Variants in SLC2A9 observed in about 807,000 individuals in gnomAD.
The protein encoded by SLC2A9 is solute carrier family 2, facilitated glucose transporter member 9.
In SLC2A9, 39 loss-of-function variants were observed where a neutral mutation model predicts 50.6. The ratio of observed to expected loss-of-function variants is 0.77; its 90% confidence interval spans 0.60 to 1.01. The LOEUF is 1.01. Ranked by LOEUF, SLC2A9 falls within the 50% of genes least tolerant of loss-of-function variation. The probability of loss-of-function intolerance (pLI) is 0.00; values close to 1 mark genes in which losing one functional copy is unlikely to be tolerated. For synonymous variants in SLC2A9, 324 were observed against 276.9 expected (o/e 1.17, Z -1.69); for missense variants, 686 against 677.6 (o/e 1.01, Z -0.14).
At chr4:9,779,361 G>A (rs144174176), downstream of SLC2A9, among the ~76,000 whole-genome samples, 3,019 of 151,202 alleles carry the variant, frequency 0.02, 102 homozygotes, top group African/African-American at 0.069. Context: ...TGTCACATTT[G>A]TAATTGTGTA....
intron 8 of SLC2A9, among the ~76,000 whole-genome samples, chr4:9,897,045 TATC>T (rs1328224717): frequency 6.6e-6 from 1 of 152,198 alleles, no homozygotes; most frequent in Admixed American, 6.5e-5. Context: ...TAGGTGCTGT[TATC>T]ATCCACTATT....
downstream of SLC2A9, among the ~76,000 whole-genome samples, chr4:9,796,584 T>C (rs1202900159): frequency 6.6e-6 from 1 of 152,230 alleles, no homozygotes; most frequent in African/African-American, 2.4e-5. Context: ...AATGTATTAG[T>C]CAGGCTTTGT....
intron 7 of SLC2A9, among the ~76,000 whole-genome samples, chr4:9,915,892 A>G (rs1742766237): frequency 6.6e-6 from 1 of 152,258 alleles, no homozygotes; most frequent in Admixed American, 6.5e-5. Flanking sequence ...TGCTTCTGAA[A>G]TTATAATTTG....
At chr4:9,890,431 A>G (rs1319590137) in intron 9 of SLC2A9, among the ~76,000 whole-genome samples, 179 bp downstream of exon 9, 1 of 152,152 alleles carries the variant, frequency 6.6e-6, no homozygotes, top group Admixed American at 6.5e-5. Context: ...AGGACCCCTC[A>G]CCAAACCCTC....
At position 9,774,152 on chromosome 4, in the gene SLC2A9, C is replaced by T. The variant is rs558731240; in HGVS notation, n.182-2783G>A. On this transcript the variant is annotated intron_variant and non_coding_transcript_variant, in intron 1 of 1. Transcript: ENST00000508585. ...GGGATTACAGGTGTCTGCCACCTCACCCAGCTAATTTTTGTATTTTTAGTA... is the reference window on the plus strand; with the variant it reads ...GGGATTACAGGTGTCTGCCACCTCATCCAGCTAATTTTTGTATTTTTAGTA... Among the ~76,000 whole-genome samples, 4 of 152,164 alleles carry T rather than the reference C, an allele frequency of 2.6e-5. No individual in the cohort carries two copies. In the East Asian group the frequency reaches 7.7e-4, roughly 29 times the overall value.
chr4:9,884,834 C>T (rs952830823), intron 10 of SLC2A9, among the ~76,000 whole-genome samples: 1 of 152,156 alleles, frequency 6.6e-6, no homozygotes, highest in Non-Finnish European at 1.5e-5. Flanking sequence ...GAATACTACA[C>T]AGCCATGAGA....
At chr4:9,900,728 A>G (rs1739443695) in intron 8 of SLC2A9, among the ~76,000 whole-genome samples, 1 of 152,204 alleles carries the variant, frequency 6.6e-6, no homozygotes, top group African/African-American at 2.4e-5. Context: ...GGGAGGCCTC[A>G]GGAAACTTAC....
intron 5 of SLC2A9, among the ~76,000 whole-genome samples, chr4:9,970,965 A>C (rs1167241550): frequency 2.0e-5 from 3 of 152,152 alleles, no homozygotes; most frequent in Non-Finnish European, 4.4e-5. Flanking sequence ...TTTCACTCTG[A>C]CCACCGGTAC....
intron 1 of SLC2A9, among the ~76,000 whole-genome samples, chr4:10,019,871 C>T (rs1336663520): frequency 6.6e-6 from 1 of 152,254 alleles, no homozygotes; most frequent in African/African-American, 2.4e-5. Flanking sequence ...ACCACCAGTA[C>T]AGGGCCATAG....
At chr4:9,779,327 T>G (rs1718006128), downstream of SLC2A9, among the ~76,000 whole-genome samples, 1 of 152,194 alleles carries the variant, frequency 6.6e-6, no homozygotes, top group Non-Finnish European at 1.5e-5. Flanking sequence ...TAGATAAGGC[T>G]GTGAACTTTC....
intron 2 of SLC2A9, among the ~76,000 whole-genome samples, chr4:9,998,244 A>G (rs896213861): frequency 1.3e-5 from 2 of 152,190 alleles, no homozygotes; most frequent in Admixed American, 1.3e-4. Flanking sequence ...TTGCTACCCA[A>G]CGTGAGCCCG....
chr4:9,771,496 G>A (rs1191916485), intron 1 of SLC2A9: 1 of 398,738 alleles, frequency 2.5e-6, no homozygotes, highest in Non-Finnish European at 4.4e-6. Context: ...CTGCCAAAGA[G>A]TCTGGGAAGC....
intron 10 of SLC2A9, among the ~76,000 whole-genome samples, chr4:9,847,222 G>C (rs950472650): frequency 6.6e-6 from 1 of 152,210 alleles, no homozygotes; most frequent in Non-Finnish European, 1.5e-5. Flanking sequence ...AGTTCTGCAC[G>C]GCTGGAGAAG....
chr4:10,030,133 G>A (rs1578391098), intron 1 of SLC2A9, among the ~76,000 whole-genome samples: 1 of 152,284 alleles, frequency 6.6e-6, no homozygotes, highest in East Asian at 1.9e-4. Context: ...AGGAGGATAA[G>A]TTTTCCTAAT....
At chr4:9,899,599 T>A (rs7692145) in intron 8 of SLC2A9, among the ~76,000 whole-genome samples, 2 of 152,136 alleles carry the variant, frequency 1.3e-5, no homozygotes, top group African/African-American at 2.4e-5. Context: ...AAAAACGGAA[T>A]ATAATTCAAT....
intron 10 of SLC2A9, among the ~76,000 whole-genome samples, chr4:9,869,356 T>C (rs1733020511): frequency 6.6e-6 from 1 of 152,238 alleles, no homozygotes; most frequent in Non-Finnish European, 1.5e-5. Flanking sequence ...AGGGCAGTTC[T>C]ACACATTAAG....
intron 3 of SLC2A9, among the ~76,000 whole-genome samples, chr4:9,989,476 G>T (rs1456303698): frequency 6.6e-6 from 1 of 151,804 alleles, no homozygotes; most frequent in African/African-American, 2.4e-5. Context: ...TTTTCACTGA[G>T]AACACAGAGG....
At chr4:9,916,218 T>C (rs1345084987) in intron 7 of SLC2A9, among the ~76,000 whole-genome samples, 1 of 152,144 alleles carries the variant, frequency 6.6e-6, no homozygotes, top group Non-Finnish European at 1.5e-5. Flanking sequence ...TACACAACGA[T>C]TTCCCAACTA....
At position 9,976,064 on chromosome 4, in the gene SLC2A9, A is replaced by G. The variant is rs564592954; in HGVS notation, c.681+4528T>C. On this transcript the variant is annotated intron_variant, in intron 5 of 11. Coordinates refer to ENST00000264784, the MANE Select transcript of SLC2A9 (RefSeq NM_020041.3). Reference sequence around the variant, plus strand: ...TAAACAATGGGTTCTCATGGACATAAAGATGGCAACACTAGACACTGGAGA... The same window carrying G: ...TAAACAATGGGTTCTCATGGACATAGAGATGGCAACACTAGACACTGGAGA... Among the ~76,000 whole-genome samples, 35 of 152,296 alleles carry G rather than the reference A, an allele frequency of 2.3e-4. No homozygotes were observed. In the South Asian group the frequency reaches 6.4e-3, roughly 28 times the overall value.
Sources: gnomAD v4.1 joint callset for allele counts (sites outside exome capture counted in the v4.1 genomes callset) on GRCh38, gnomAD v4.1.1 for gene constraint, MANE v1.5 for transcripts, NCBI Gene and HGNC (gene_info 2026-07-23, HGNC 2026-07-21) for gene names.